The following TRMT10A variants were observed in gnomAD, a reference collection of about 807,000 sequenced individuals.
TRMT10A encodes the protein tRNA methyltransferase 10A.
TRMT10A carries 37 observed loss-of-function variants against 40.4 expected under a neutral mutation model. The ratio of observed to expected loss-of-function variants is 0.92; its 90% CI spans 0.71 to 1.21. The LOEUF is 1.21. Ranked by LOEUF, TRMT10A falls within the 50% of genes most tolerant of loss-of-function variation. The probability of loss-of-function intolerance (pLI) is 0.00; values close to 1 mark genes in which losing one functional copy is unlikely to be tolerated. For missense variants in TRMT10A, 388 were observed against 404.3 expected, an observed-to-expected ratio of 0.96 and a Z score of 0.35; for synonymous variants, 103 against 134.1, an observed-to-expected ratio of 0.77 and a Z score of 1.60.
intron 1 of TRMT10A, among the ~76,000 whole-genome samples, chr4:99,561,775 T>C (rs150608187): frequency 1.3e-5 from 2 of 152,354 alleles, no homozygotes; most frequent in African/African-American, 2.4e-5. Flanking sequence ...TAAAATTCCA[T>C]GGCAGAGTTT....
intron 6 of TRMT10A, 118 bp from the exon 7 acceptor site, chr4:99,551,108 T>C (rs1417302878): frequency 2.9e-6 from 2 of 682,018 alleles, no homozygotes; most frequent in Non-Finnish European, 4.7e-6. Context: ...TCAGAGAATA[T>C]TATCTGAATG....
chr4:99,559,077 A>G (rs1431059599), intron 2 of TRMT10A, 77 bp downstream of exon 2: 2 of 1,329,488 alleles, frequency 1.5e-6, no homozygotes, highest in Admixed American at 5.0e-5. Context: ...TACATTTAAT[A>G]TGCCAAAGGG....
intron 1 of TRMT10A, 65 bp downstream of exon 1, chr4:99,563,848 G>C (rs1724572842): frequency 1.5e-6 from 1 of 670,444 alleles, no homozygotes; most frequent in Non-Finnish European, 2.7e-6. Context: ...TGCATGGCAC[G>C]CGCCCCTTTG....
At chr4:99,553,067 A>G (rs532992621) in intron 6 of TRMT10A, among the ~76,000 whole-genome samples, 1 of 152,324 alleles carries the variant, frequency 6.6e-6, no homozygotes, top group East Asian at 1.9e-4. Flanking sequence ...AAAATTCCCT[A>G]TGATGCAATA....
At chr4:99,553,686 A>G (rs773649730) in intron 6 of TRMT10A, 99 bp downstream of exon 6, 25 of 1,224,018 alleles carry the variant, frequency 2.0e-5, no homozygotes, top group Admixed American at 2.6e-5. Flanking sequence ...TAGGCACTCA[A>G]TAAAGATGAG....
At chr4:99,563,818 C>A (rs1365948662) in intron 1 of TRMT10A, 95 bp downstream of exon 1, 11 of 634,492 alleles carry the variant, frequency 1.7e-5, no homozygotes. Context: ...CCCCGGAAGC[C>A]CTTGTTGCTA....
chr4:99,548,806 A>G lies in TRMT10A; in HGVS notation c.*282T>C, dbSNP rs934447645. Reference sequence around the variant, plus strand: ...AAGAATATAAAATGAAAGAAAATGAAAATATACTAATACAGTAAAATTATC... The same window carrying G: ...AAGAATATAAAATGAAAGAAAATGAGAATATACTAATACAGTAAAATTATC... On this transcript the variant is annotated 3_prime_UTR_variant, in exon 8 of 8. Coordinates refer to ENST00000394876, the MANE Select transcript of TRMT10A (RefSeq NM_001134665.3). 1.2e-5 allele frequency: 3 copies of G among 251,096 alleles called. No homozygotes were observed. The highest frequency in any genetic ancestry group is 6.7e-5 in the African/African-American group (3 of 44,636). The allele number at this position is 251,096 out of a possible 1,614,324, so 15.6% of individuals were successfully genotyped here. A position where few individuals can be genotyped will look rare whatever the true frequency, so the allele number is the denominator to read the frequency against.
Position 99,557,411 on chromosome 4 carries a change from A to C in TRMT10A, c.354T>G (p.Ile118Met). The change falls in exon 4 of 8, where the codon ATT becomes ATG. Residue 118 changes from isoleucine to methionine, a missense_variant. Ile to Met is a conservative substitution (Grantham distance 10, BLOSUM62 1). Transcript: ENST00000394876. ...SFDHLMVLKD[I>M]KKLHKQIQRC... is the part of the protein sequence containing the mutation. ...GTTGAATCTGCTTATGAAGTTTCTT[A>C]ATGTCCTATCACAGAGTTCAATTTT... is the stretch of plus-strand genomic sequence containing the variant. 6.2e-7 allele frequency: 1 copy of C among 1,613,362 alleles called. No individual in the cohort carries two copies. The highest frequency in any genetic ancestry group is 1.1e-5 in the South Asian group (1 of 91,034).
chr4:99,555,491 C>T (rs909553828), intron 5 of TRMT10A, among the ~76,000 whole-genome samples: 2 of 152,102 alleles, frequency 1.3e-5, no homozygotes, highest in Non-Finnish European at 2.9e-5. Context: ...TGTGAGGCCA[C>T]ATAGGCAATT....
rs1723788733 is a variant in TRMT10A, at chr4:99,547,677, AG to A, written c.*1410del. 1 of 152,146 alleles carries A rather than the reference AG, an allele frequency of 6.6e-6. No individual in the cohort carries two copies. Among genetic ancestry groups the A allele is most frequent in the Non-Finnish European group, 1.5e-5 (1 of 67,990 alleles). The allele number at this position is 152,146 out of a possible 1,614,324, so 9.4% of individuals were successfully genotyped here. A position where few individuals can be genotyped will look rare whatever the true frequency, so the allele number is the denominator to read the frequency against. On this transcript the variant is annotated 3_prime_UTR_variant, in exon 8 of 8. Transcript: ENST00000394876. ...TTGCCTACAGACCTTACCTTAAAATAGGTAACTATAATAGATTACTAAGAAC... is the reference window on the plus strand; with the variant it reads ...TTGCCTACAGACCTTACCTTAAAATAGTAACTATAATAGATTACTAAGAAC...
chr4:99,556,985 A>G (rs942122411), intron 4 of TRMT10A, among the ~76,000 whole-genome samples: 3 of 152,196 alleles, frequency 2.0e-5, no homozygotes, highest in African/African-American at 7.2e-5. Flanking sequence ...ACATATGTCA[A>G]GCGGTGGCAG....
At chr4:99,563,521 A>G (rs910719277) in intron 1 of TRMT10A, 1 of 208,152 alleles carries the variant, frequency 4.8e-6, no homozygotes, top group East Asian at 1.4e-4. Flanking sequence ...CCGGCCCTTT[A>G]GAGTACAGAT....
At chr4:99,549,824 G>T (rs1408445780) in intron 7 of TRMT10A, among the ~76,000 whole-genome samples, 1 of 152,040 alleles carries the variant, frequency 6.6e-6, no homozygotes, top group Non-Finnish European at 1.5e-5. Flanking sequence ...TGTCTCCAGG[G>T]TACTCTCACA....
At chr4:99,559,800 C>T (rs1175490215) in intron 1 of TRMT10A, among the ~76,000 whole-genome samples, 7 of 152,080 alleles carry the variant, frequency 4.6e-5, no homozygotes, top group African/African-American at 7.2e-5. Flanking sequence ...TAAACAATTA[C>T]GGTTAATCTA....
intron 1 of TRMT10A, 117 bp downstream of exon 1, chr4:99,563,796 T>C (rs777541721): frequency 2.6e-5 from 15 of 583,340 alleles, no homozygotes; most frequent in Non-Finnish European, 4.5e-5. Context: ...TCCACACCAC[T>C]GCTCCCCTCT....
chr4:99,558,710 T>C (rs1724263338), intron 2 of TRMT10A, among the ~76,000 whole-genome samples: 1 of 152,130 alleles, frequency 6.6e-6, no homozygotes, highest in African/African-American at 2.4e-5. Context: ...CCAAACTGCT[T>C]TCACCAAAAC....
At chr4:99,558,359 A>G (rs1373051584) in intron 2 of TRMT10A, 148 bp from the exon 3 acceptor site, 7 of 723,830 alleles carry the variant, frequency 9.7e-6, no homozygotes, top group Non-Finnish European at 1.5e-5. Context: ...GTCAAGTATT[A>G]GCAGTTTTAT....
chr4:99,552,717 C>T (rs1466936896), intron 6 of TRMT10A, among the ~76,000 whole-genome samples: 3 of 152,026 alleles, frequency 2.0e-5, no homozygotes, highest in Non-Finnish European at 2.9e-5. Flanking sequence ...TTTTAAATAA[C>T]TGACAAGTTT....
At chr4:99,562,149 C>T (rs948921550) in intron 1 of TRMT10A, among the ~76,000 whole-genome samples, 5 of 140,004 alleles carry the variant, frequency 3.6e-5, no homozygotes, top group African/African-American at 1.4e-4. Flanking sequence ...CCAACTAGGG[C>T]AACAGAGTAA....
Sources: allele counts gnomAD v4.1 joint callset (sites outside exome capture counted in the v4.1 genomes callset), GRCh38; gene constraint gnomAD v4.1.1; transcripts MANE v1.5; gene names NCBI Gene and HGNC (gene_info 2026-07-23, HGNC 2026-07-21).